MYO19: variants seen among roughly 807,000 people sequenced by gnomAD.
The protein encoded by MYO19 is unconventional myosin-XIX.
MYO19 carries 132 observed loss-of-function variants against 129.2 expected under a neutral mutation model. The ratio of observed to expected loss-of-function variants is 1.02; its 90% CI spans 0.89 to 1.18. The LOEUF is 1.18. MYO19 is among the 50% of genes most tolerant of loss of function. MYO19 has a pLI of 0.00. For missense variants in MYO19, 1,210 were observed against 1,216.7 expected, an observed-to-expected ratio of 0.99 and a Z score of 0.08; for synonymous variants, 531 against 477.2, an observed-to-expected ratio of 1.11 and a Z score of -1.47.
Position 36,498,753 on chromosome 17 carries a change from G to A in MYO19, c.2464-194C>T, listed in dbSNP as rs2071231698. Reference sequence around the variant, plus strand: ...ATACACCCCAGGCAACTGTGCTTAGGCCTTACATATGCTACTTGAAAACAA... The same window carrying A: ...ATACACCCCAGGCAACTGTGCTTAGACCTTACATATGCTACTTGAAAACAA... On this transcript the variant is annotated intron_variant, in intron 24 of 25. Coordinates refer to ENST00000614623, the MANE Select transcript of MYO19 (RefSeq NM_001163735.2). The A allele has an allele frequency of 6.4e-6, 4 of 621,970 alleles. No individual in the cohort carries two copies. The East Asian group carries it at 1.1e-4, about 17-fold the overall frequency. 38.5% of individuals were successfully genotyped at this position (621,970 alleles called of 1,614,324 possible).
intron 11 of MYO19, chr17:36,512,806 G>A: frequency 3.9e-6 from 5 of 1,280,920 alleles, no homozygotes; most frequent in Non-Finnish European, 5.1e-6. Flanking sequence ...ATGAGAGGAG[G>A]TAGTCAGCTC....
At chr17:36,538,655 T>A, upstream of MYO19, 1 of 1,417,390 alleles carries the variant, frequency 7.1e-7, no homozygotes, top group Non-Finnish European at 9.6e-7. Context: ...GGGCAATATT[T>A]AATGAGGAAT....
intron 3 of MYO19, among the ~76,000 whole-genome samples, chr17:36,530,412 T>C (rs187706322): frequency 2.0e-3 from 301 of 151,352 alleles, no homozygotes; most frequent in African/African-American, 6.9e-3. Flanking sequence ...CCATCTGGAA[T>C]CTGCCAAAAG....
At chr17:36,534,370 G>A (rs1002783383) in intron 1 of MYO19, among the ~76,000 whole-genome samples, 2 of 152,156 alleles carry the variant, frequency 1.3e-5, no homozygotes, top group African/African-American at 2.4e-5. Context: ...ACCTGGCACG[G>A]GGAGAGTATG....
chr17:36,523,491 G>A (rs2073274917), intron 6 of MYO19, among the ~76,000 whole-genome samples: 1 of 152,000 alleles, frequency 6.6e-6, no homozygotes, highest in African/African-American at 2.4e-5. Context: ...CTAAACAAGT[G>A]AAAAAATGGG....
chr17:36,495,697 C>G lies in MYO19; in HGVS notation c.*554G>C, dbSNP rs918336803. ...GACATCATAAACGATATCAAGCTTACACTTCATATGGAGTTAAACTTGGTC... is the reference window on the plus strand; with the variant it reads ...GACATCATAAACGATATCAAGCTTAGACTTCATATGGAGTTAAACTTGGTC... On this transcript the variant is annotated 3_prime_UTR_variant, in exon 26 of 26. Transcript: ENST00000614623. 1 of 1,260,656 alleles carries G rather than the reference C, an allele frequency of 7.9e-7. No homozygotes were observed. The highest frequency in any genetic ancestry group is 1.5e-5 in the African/African-American group (1 of 65,164). The allele number at this position is 1,260,656 out of a possible 1,614,324, so 78.1% of individuals were successfully genotyped here.
chr17:36,527,588 T>C lies in MYO19; in HGVS notation c.263A>G (p.Glu88Gly), dbSNP rs769483218. 117 of 1,613,728 alleles carry C rather than the reference T, an allele frequency of 7.3e-5. 2 individuals carry two copies. The South Asian group carries it at 1.1e-3, about 15-fold the overall frequency. ...FKPVPQLYSP[E>G]LMREYHAAPQ... ...CGCAGCATGGTACTCTCTCATTAGC[T>C]CGGGCGAGTAGAGCTGAGGAACAGG... The change falls in exon 5 of 26, where the codon GAG becomes GGG. Residue 88 changes from glutamate (E) to glycine (G), a missense_variant. Physicochemically the swap from Glu to Gly is moderately conservative, Grantham distance 98. Transcript: ENST00000614623.
At chr17:36,500,531 A>G in intron 23 of MYO19, 1 of 368,494 alleles carries the variant, frequency 2.7e-6, no homozygotes, top group Non-Finnish European at 4.9e-6. Flanking sequence ...TAAAGGGAAA[A>G]AAAGTTGGCC....
chr17:36,496,139 T>G lies in MYO19; in HGVS notation c.*112A>C. The G allele has an allele frequency of 7.1e-7, 1 of 1,412,700 alleles. No individual in the cohort carries two copies. The highest frequency in any genetic ancestry group is 9.8e-7 in the Non-Finnish European group (1 of 1,021,532). The allele number at this position is 1,412,700 out of a possible 1,614,324, so 87.5% of individuals were successfully genotyped here. ...TCGAAGGCTGGAGCCGTCACTGTTG[T>G]TCATGTGCATTTGGAGCACTGTGGG... is the stretch of plus-strand genomic sequence containing the variant. On this transcript the variant is annotated 3_prime_UTR_variant, in exon 26 of 26. Coordinates refer to ENST00000614623, the MANE Select transcript of MYO19 (RefSeq NM_001163735.2).
intron 11 of MYO19, among the ~76,000 whole-genome samples, chr17:36,511,874 T>G (rs1427030852): frequency 1.3e-5 from 2 of 152,146 alleles, no homozygotes; most frequent in Non-Finnish European, 2.9e-5. Flanking sequence ...GGCTTGTCTC[T>G]GCTTCCTTGA....
In MYO19 at chr17:36,515,003, G is replaced by A; in HGVS notation, c.617+110C>T. 6 of 887,992 alleles carry A rather than the reference G, an allele frequency of 6.8e-6. 1 individual carries two copies. In the South Asian group the frequency reaches 1.0e-4, roughly 15 times the overall value. The allele number at this position is 887,992 out of a possible 1,614,324, so 55.0% of individuals were successfully genotyped here. On this transcript the variant is annotated intron_variant, in intron 8 of 25. Transcript: ENST00000614623. ...ACCTGAGGTAAAGGGCATGCACCAG[G>A]AGGAGCAGGGTTTTTGCCCATAGGG...
At chr17:36,517,907 T>C (rs906071044) in intron 6 of MYO19, among the ~76,000 whole-genome samples, 5 of 151,482 alleles carry the variant, frequency 3.3e-5, no homozygotes, top group African/African-American at 1.2e-4. Flanking sequence ...TTGACCAACA[T>C]GGTGAAACCC....
chr17:36,532,299 C>T (rs559896741), intron 3 of MYO19, among the ~76,000 whole-genome samples: 9 of 152,276 alleles, frequency 5.9e-5, no homozygotes, highest in African/African-American at 2.2e-4. Context: ...TAAGGATTCC[C>T]TTACCCATCC....
rs571947934 is a variant in MYO19 at position 36,496,283 on chromosome 17, C to T, written c.2881G>A (p.Val961Met). The change falls in exon 26 of 26, where the codon GTG becomes ATG. Residue 961 changes from valine (V) to methionine (M), a missense_variant. Transcript: ENST00000614623. ...ILLERHRLIH[V>M]TSSAFTGLG ...AGCCCAGTGAAGGCAGAAGAGGTCA[C>T]GTGGATCAGCCTGTGTCTTTCCAGC... is the stretch of plus-strand genomic sequence containing the variant. 2.6e-5 allele frequency: 42 copies of T among 1,614,022 alleles called. No individual in the cohort carries two copies. Among genetic ancestry groups the T allele is most frequent in the East Asian group, 2.2e-4 (10 of 44,890 alleles).
At chr17:36,510,546 G>A (rs2072244548) in intron 13 of MYO19, among the ~76,000 whole-genome samples, 200 bp downstream of exon 13, 2 of 152,236 alleles carry the variant, frequency 1.3e-5, no homozygotes, top group Non-Finnish European at 1.5e-5. Context: ...CACTCAGAAA[G>A]AGGCCACAGA....
At chr17:36,524,130 G>A (rs2073313375) in intron 6 of MYO19, among the ~76,000 whole-genome samples, 1 of 152,210 alleles carries the variant, frequency 6.6e-6, no homozygotes. Context: ...TGGGGGACAA[G>A]GCTTCGTTGA....
upstream of MYO19, chr17:36,537,622 T>G: frequency 6.2e-7 from 1 of 1,614,124 alleles, no homozygotes; most frequent in Non-Finnish European, 8.5e-7. Flanking sequence ...GTAGGTGGCT[T>G]TGTTTTTGGG....
intron 9 of MYO19, 71 bp downstream of exon 9, chr17:36,514,375 G>A: frequency 1.0e-6 from 1 of 974,094 alleles, no homozygotes; most frequent in Non-Finnish European, 1.7e-6. Flanking sequence ...ATTCTGGGGA[G>A]TGGGGGGTTG....
chr17:36,511,497 G>C, intron 11 of MYO19, 42 bp from the exon 12 acceptor site: 1 of 1,527,576 alleles, frequency 6.5e-7, no homozygotes, highest in Non-Finnish European at 8.9e-7. Flanking sequence ...GAGAGGGCGT[G>C]ACGTGGGCCT....
Sources: allele counts gnomAD v4.1 joint callset (sites outside exome capture counted in the v4.1 genomes callset), GRCh38; gene constraint gnomAD v4.1.1; transcripts MANE v1.5; gene names NCBI Gene and HGNC (gene_info 2026-07-23, HGNC 2026-07-21).